ZNF385D: variants seen among roughly 807,000 people sequenced by gnomAD.
ZNF385D encodes zinc finger protein 659.
A neutral mutation model predicts 35.8 loss-of-function variants in ZNF385D; 15 were observed. The ratio of observed to expected loss-of-function variants is 0.42; its 90% CI spans 0.28 to 0.64. The LOEUF (loss-of-function observed/expected upper bound fraction) is 0.64. ZNF385D is among the 30% of genes least tolerant of loss of function. ZNF385D has a pLI of 0.23. For missense variants in ZNF385D, 474 were observed against 494.6 expected (o/e 0.96, Z 0.39); for synonymous variants, 212 against 186.8 (o/e 1.13, Z -1.10).
At chr3:22,338,181 T>A (rs1051097658) in intron 2 of ZNF385D, among the ~76,000 whole-genome samples, 15 of 152,170 alleles carry the variant, frequency 9.9e-5, no homozygotes, top group Admixed American at 7.9e-4. Flanking sequence ...CTGCAATAGA[T>A]CTCTTTTAAG....
intron 2 of ZNF385D, among the ~76,000 whole-genome samples, chr3:22,173,232 G>A (rs1446061508): frequency 6.6e-6 from 1 of 152,162 alleles, no homozygotes; most frequent in African/African-American, 2.4e-5. Context: ...AAAACTAAAT[G>A]AAATGTGGTA....
At chr3:21,878,006 T>C (rs1698072806) in intron 3 of ZNF385D, 2 of 152,054 alleles carry the variant, frequency 1.3e-5, no homozygotes, top group Non-Finnish European at 2.9e-5. Flanking sequence ...TATTTGTAAG[T>C]ACCTTAAATA....
At chr3:21,829,086 C>G (rs1287815944) in intron 3 of ZNF385D, among the ~76,000 whole-genome samples, 1 of 152,158 alleles carries the variant, frequency 6.6e-6, no homozygotes, top group Non-Finnish European at 1.5e-5. Context: ...TAGCTGTTTG[C>G]AAGGATTAGA....
intron 3 of ZNF385D, among the ~76,000 whole-genome samples, chr3:21,526,974 AG>A (rs1327143172): frequency 6.6e-6 from 1 of 152,186 alleles, no homozygotes; most frequent in Admixed American, 6.5e-5. Flanking sequence ...AAAAGCACAA[AG>A]ATGAGGTAAT....
At chr3:22,057,858 T>C (rs1003732946) in intron 3 of ZNF385D, among the ~76,000 whole-genome samples, 3 of 152,134 alleles carry the variant, frequency 2.0e-5, no homozygotes, top group Admixed American at 6.6e-5. Context: ...CTCCATACCC[T>C]GGAAGCAGTA....
At chr3:21,898,729 T>C (rs187033218) in intron 3 of ZNF385D, among the ~76,000 whole-genome samples, 1 of 152,180 alleles carries the variant, frequency 6.6e-6, no homozygotes, top group Admixed American at 6.6e-5. Flanking sequence ...TCTGGACTGA[T>C]TGATGAAGCA....
intron 1 of ZNF385D, among the ~76,000 whole-genome samples, chr3:21,750,671 GTC>G (rs149636790): frequency 0.052 from 7,751 of 149,904 alleles, 273 homozygotes; most frequent in Middle Eastern, 0.076. Context: ...ACATGTCCCT[GTC>G]TCTTTTCTTT....
At chr3:21,940,186 T>C (rs760202431) in intron 3 of ZNF385D, among the ~76,000 whole-genome samples, 2 of 152,178 alleles carry the variant, frequency 1.3e-5, no homozygotes, top group Non-Finnish European at 2.9e-5. Context: ...CTGATATTTC[T>C]CTATTCCTTT....
intron 3 of ZNF385D, among the ~76,000 whole-genome samples, chr3:22,032,299 C>T (rs1169964393): frequency 6.6e-6 from 1 of 152,170 alleles, no homozygotes; most frequent in African/African-American, 2.4e-5. Context: ...ACTCAGGAAA[C>T]TTGCAATTGT....
intron 3 of ZNF385D, among the ~76,000 whole-genome samples, chr3:21,982,380 G>C (rs1327655130): frequency 1.3e-5 from 2 of 152,120 alleles, no homozygotes; most frequent in South Asian, 2.1e-4. Context: ...TTGGCTCTTG[G>C]TTTGGCTGTT....
chr3:21,508,185 G>C (rs1024504228), intron 4 of ZNF385D, among the ~76,000 whole-genome samples: 1 of 152,004 alleles, frequency 6.6e-6, no homozygotes, highest in Admixed American at 6.6e-5. Context: ...AGCTTGGAAG[G>C]GTGCTTCATC....
At chr3:21,787,287 C>T (rs921922106) in intron 3 of ZNF385D, among the ~76,000 whole-genome samples, 6 of 152,214 alleles carry the variant, frequency 3.9e-5, no homozygotes, top group Middle Eastern at 3.4e-3. Flanking sequence ...ATACCTCCTT[C>T]CCCTCCTCTC....
intron 3 of ZNF385D, among the ~76,000 whole-genome samples, chr3:21,921,795 T>C (rs1221055195): frequency 6.6e-6 from 1 of 151,192 alleles, no homozygotes; most frequent in Non-Finnish European, 1.5e-5. Flanking sequence ...TCAAGAAGAA[T>C]TTGAAACCCT....
chr3:21,453,191 G>A (rs1046050109), intron 4 of ZNF385D, among the ~76,000 whole-genome samples: 5 of 150,728 alleles, frequency 3.3e-5, no homozygotes, highest in African/African-American at 1.2e-4. Context: ...AATGAAGTTG[G>A]ACCCCTGCCT....
At chr3:21,724,447 G>A (rs376921163) in intron 1 of ZNF385D, among the ~76,000 whole-genome samples, 1 of 98,694 alleles carries the variant, frequency 1.0e-5, no homozygotes, top group South Asian at 3.5e-4. Flanking sequence ...ATAAAGGGAT[G>A]CAGGAATATT....
At chr3:21,536,558 G>T (rs2062039778) in intron 3 of ZNF385D, among the ~76,000 whole-genome samples, 1 of 151,944 alleles carries the variant, frequency 6.6e-6, no homozygotes. Flanking sequence ...ATATTTATTT[G>T]GTCATTAATT....
At chr3:22,297,754 TA>T (rs1314141885) in intron 2 of ZNF385D, among the ~76,000 whole-genome samples, 2 of 152,092 alleles carry the variant, frequency 1.3e-5, no homozygotes, top group Non-Finnish European at 2.9e-5. Context: ...TAGAAGAGTA[TA>T]TAATATATAC....
chr3:22,297,958 T>C (rs953217056), intron 2 of ZNF385D, among the ~76,000 whole-genome samples: 1 of 152,158 alleles, frequency 6.6e-6, no homozygotes, highest in African/African-American at 2.4e-5. Context: ...ATAGTTTTGT[T>C]TGGGCACAGA....
intron 2 of ZNF385D, among the ~76,000 whole-genome samples, chr3:21,585,371 A>C (rs971098430): frequency 6.6e-6 from 1 of 152,154 alleles, no homozygotes; most frequent in African/African-American, 2.4e-5. Context: ...TTATGAAAAT[A>C]ATATATGACA....
Sources: gnomAD v4.1 joint callset for allele counts (sites outside exome capture counted in the v4.1 genomes callset) on GRCh38, gnomAD v4.1.1 for gene constraint, MANE v1.5 for transcripts, NCBI Gene and HGNC (gene_info 2026-07-23, HGNC 2026-07-21) for gene names.